Variants in PTPRD observed in about 807,000 individuals in gnomAD.
The protein encoded by PTPRD is protein tyrosine phosphatase receptor type D, also known as receptor-type tyrosine-protein phosphatase delta.
A neutral mutation model predicts 214.5 loss-of-function variants in PTPRD; 34 were observed. That is an observed-to-expected ratio of 0.16 (90% CI 0.12 to 0.21). The LOEUF (loss-of-function observed/expected upper bound fraction) is 0.21. PTPRD is among the 10% of genes least tolerant of loss of function. The pLI is 1.00. For synonymous variants in PTPRD, 1,128 were observed against 845.7 expected, an observed-to-expected ratio of 1.33 and a Z score of -5.79; for missense variants, 2,545 against 2,398.7, an observed-to-expected ratio of 1.06 and a Z score of -1.27.
chr9:9,973,943 G>A (rs2095254215), intron 4 of PTPRD, among the ~76,000 whole-genome samples: 1 of 152,064 alleles, frequency 6.6e-6, no homozygotes, highest in South Asian at 2.1e-4. Flanking sequence ...CACTGACATT[G>A]ATTTGATATT....
At position 8,736,598 on chromosome 9, in the gene PTPRD, T is replaced by C. The variant is rs1183498687; in HGVS notation, c.-103-2652A>G. ...CTTAAGCATGAGAACAAAAATTGTT[T>C]TAAAGATATTACCTTTTTTATTAGT... On this transcript the variant is annotated intron_variant, in intron 11 of 45. Transcript: ENST00000381196. Among the ~76,000 whole-genome samples, 4 of 152,310 alleles carry C rather than the reference T, an allele frequency of 2.6e-5. No homozygotes were observed. In the East Asian group the frequency reaches 7.7e-4, roughly 29 times the overall value.
At chr9:8,361,563 C>T (rs1294073074) in intron 39 of PTPRD, among the ~76,000 whole-genome samples, 1 of 152,192 alleles carries the variant, frequency 6.6e-6, no homozygotes, top group Non-Finnish European at 1.5e-5. Flanking sequence ...ATGCCCTTTA[C>T]ACTACCTCTG....
At chr9:9,414,381 T>C (rs1254215502) in intron 8 of PTPRD, among the ~76,000 whole-genome samples, 1 of 152,182 alleles carries the variant, frequency 6.6e-6, no homozygotes, top group Non-Finnish European at 1.5e-5. Context: ...ATTAAGGTCT[T>C]TGCATCAAAA....
chr9:8,930,223 G>C (rs1588250891), intron 11 of PTPRD, among the ~76,000 whole-genome samples: 1 of 147,108 alleles, frequency 6.8e-6, no homozygotes, highest in East Asian at 2.0e-4. Context: ...TGGTTTTTTT[G>C]TCCTTGCGAT....
chr9:9,546,371 G>A (rs2078814546), intron 8 of PTPRD, among the ~76,000 whole-genome samples: 1 of 151,124 alleles, frequency 6.6e-6, no homozygotes, highest in Non-Finnish European at 1.5e-5. Context: ...AATTTTTATA[G>A]CAAAATTAAA....
chr9:10,203,232 G>A (rs914180290), intron 3 of PTPRD, among the ~76,000 whole-genome samples: 1 of 147,944 alleles, frequency 6.8e-6, no homozygotes, highest in African/African-American at 2.5e-5. Flanking sequence ...ATGTGTTATT[G>A]GTTTTTACCT....
chr9:10,191,445 T>C (rs2099363165), intron 3 of PTPRD, among the ~76,000 whole-genome samples: 1 of 152,126 alleles, frequency 6.6e-6, no homozygotes, highest in African/African-American at 2.4e-5. Context: ...ATTTTATGCA[T>C]TTACAAATTG....
At chr9:10,015,495 A>G (rs1400160416) in intron 4 of PTPRD, among the ~76,000 whole-genome samples, 1 of 152,162 alleles carries the variant, frequency 6.6e-6, no homozygotes, top group Non-Finnish European at 1.5e-5. Context: ...TCAACTGACA[A>G]TTGAGCTCTG....
chr9:8,826,170 A>C (rs1256377273), intron 11 of PTPRD, among the ~76,000 whole-genome samples: 9 of 152,034 alleles, frequency 5.9e-5, no homozygotes, highest in Non-Finnish European at 1.3e-4. Context: ...TAACTCAATC[A>C]GTTGGAAATC....
At chr9:8,419,370 T>A (rs2094192436) in intron 35 of PTPRD, among the ~76,000 whole-genome samples, 1 of 152,094 alleles carries the variant, frequency 6.6e-6, no homozygotes, top group South Asian at 2.1e-4. Context: ...GAAAACTTAT[T>A]AAGTGATAGA....
chr9:9,505,993 C>T (rs2890871), intron 8 of PTPRD, among the ~76,000 whole-genome samples: 134,053 of 151,252 alleles, frequency 0.89, 59,694 homozygotes, highest in African/African-American at 0.97. Flanking sequence ...ATCTCATAAT[C>T]TAAGGACACA....
chr9:10,286,077 G>A (rs1302753018), intron 3 of PTPRD, among the ~76,000 whole-genome samples: 1 of 152,064 alleles, frequency 6.6e-6, no homozygotes, highest in East Asian at 1.9e-4. Context: ...GTATGTTTGT[G>A]TTAAATATAT....
rs773531072 is a variant in PTPRD at position 9,408,199 on chromosome 9, T to G, written c.-236-10717A>C. Among the ~76,000 whole-genome samples, 78 of 151,878 alleles carry G rather than the reference T, an allele frequency of 5.1e-4. 1 individual carries two copies. Among genetic ancestry groups the G allele is most frequent in the Admixed American group, 3.9e-4 (6 of 15,224 alleles). ...AACTTTGTTTTTGTTTTTCATTGTT[T>G]TCTTAAACATTCTGACAGCAAAGGA... On this transcript the variant is annotated intron_variant, in intron 8 of 45. Coordinates refer to ENST00000381196, the MANE Select transcript of PTPRD (RefSeq NM_002839.4).
At chr9:10,168,114 G>T (rs1196464902) in intron 3 of PTPRD, among the ~76,000 whole-genome samples, 1 of 152,088 alleles carries the variant, frequency 6.6e-6, no homozygotes, top group Non-Finnish European at 1.5e-5. Flanking sequence ...AAACATATTT[G>T]CTTTTGCAGG....
chr9:8,461,824 T>A (rs1011937550), intron 32 of PTPRD, among the ~76,000 whole-genome samples: 1 of 148,136 alleles, frequency 6.8e-6, no homozygotes, highest in African/African-American at 2.6e-5. Flanking sequence ...TTAAAAAAAT[T>A]TTTTTTATAG....
At chr9:10,355,453 T>G (rs2097258920) in intron 2 of PTPRD, among the ~76,000 whole-genome samples, 1 of 151,976 alleles carries the variant, frequency 6.6e-6, no homozygotes, top group Admixed American at 6.6e-5. Context: ...AGACGACACT[T>G]TAGAAAATAC....
At chr9:8,491,568 C>T (rs574295732) in intron 27 of PTPRD, among the ~76,000 whole-genome samples, 1 of 151,618 alleles carries the variant, frequency 6.6e-6, no homozygotes, top group South Asian at 2.1e-4. Context: ...GAGACTGGAT[C>T]CACAGCCAGA....
intron 3 of PTPRD, among the ~76,000 whole-genome samples, chr9:10,096,299 CA>C (rs1008925457): frequency 6.6e-6 from 1 of 151,672 alleles, no homozygotes; most frequent in African/African-American, 2.4e-5. Flanking sequence ...GTAGAACAAC[CA>C]AAGTGGTGTG....
intron 5 of PTPRD, among the ~76,000 whole-genome samples, chr9:9,892,254 A>G (rs2073584907): frequency 6.6e-6 from 1 of 152,154 alleles, no homozygotes; most frequent in Non-Finnish European, 1.5e-5. Context: ...TTTAAATAAA[A>G]TAGCCAGATA....
Sources: gnomAD v4.1 joint callset for allele counts (sites outside exome capture counted in the v4.1 genomes callset) on GRCh38, gnomAD v4.1.1 for gene constraint, MANE v1.5 for transcripts, NCBI Gene and HGNC (gene_info 2026-07-23, HGNC 2026-07-21) for gene names.